Variants in ADARB2 observed in about 807,000 individuals in gnomAD.
ADARB2 encodes the protein inactive double-stranded RNA-specific editase B2.
Under a neutral mutation model 62.2 loss-of-function variants are expected in ADARB2, and 25 were observed. The observed-to-expected ratio is 0.40, with a 90% CI of 0.29 to 0.56. The LOEUF is 0.56. ADARB2 is among the 20% of genes least tolerant of loss of function. ADARB2 has a pLI of 0.43. For synonymous variants in ADARB2, 572 were observed against 500.8 expected, an observed-to-expected ratio of 1.14 and a Z score of -1.90; for missense variants, 1,071 against 1,077.4, an observed-to-expected ratio of 0.99 and a Z score of 0.08.
intron 1 of ADARB2, among the ~76,000 whole-genome samples, chr10:1,666,680 A>AT (rs999763994): frequency 5.3e-5 from 8 of 151,814 alleles, no homozygotes; most frequent in South Asian, 2.1e-4. Flanking sequence ...TTTTAGCTTC[A>AT]TTTTTTTTGA....
chr10:1,679,790 C>T (rs1456353042), intron 1 of ADARB2, among the ~76,000 whole-genome samples: 1 of 152,190 alleles, frequency 6.6e-6, no homozygotes, highest in Non-Finnish European at 1.5e-5. Context: ...ATCGCTTGGG[C>T]TCAACACGGA....
intron 1 of ADARB2, among the ~76,000 whole-genome samples, chr10:1,544,685 G>A (rs906394505): frequency 1.2e-4 from 19 of 152,036 alleles, no homozygotes; most frequent in Admixed American, 3.3e-4. Context: ...AATGCGATGT[G>A]TAATGTGTAC....
At chr10:1,218,073 T>C (rs1031186950) in intron 6 of ADARB2, among the ~76,000 whole-genome samples, 12 of 152,286 alleles carry the variant, frequency 7.9e-5, no homozygotes, top group African/African-American at 2.6e-4. Context: ...TTGTTTGAGA[T>C]GGAGTCTCGC....
At chr10:1,219,440 C>T (rs929565595) in intron 6 of ADARB2, among the ~76,000 whole-genome samples, 3 of 152,178 alleles carry the variant, frequency 2.0e-5, no homozygotes, top group Non-Finnish European at 4.4e-5. Flanking sequence ...GAAGAAAGAT[C>T]GCTGCATTCT....
chr10:1,544,112 G>T (rs1015509397), intron 1 of ADARB2, among the ~76,000 whole-genome samples: 1 of 151,990 alleles, frequency 6.6e-6, no homozygotes, highest in East Asian at 1.9e-4. Context: ...GAGTAGAGCC[G>T]TCCCAGGCAG....
At chr10:1,275,258 C>A (rs916667192) in intron 3 of ADARB2, among the ~76,000 whole-genome samples, 3 of 152,176 alleles carry the variant, frequency 2.0e-5, no homozygotes, top group African/African-American at 7.2e-5. Flanking sequence ...TGACAAGGGC[C>A]CCTGGCTGGT....
intron 1 of ADARB2, among the ~76,000 whole-genome samples, chr10:1,576,819 G>C (rs1021173627): frequency 5.3e-5 from 8 of 150,214 alleles, no homozygotes; most frequent in Admixed American, 5.3e-4. Context: ...GGATGAGGAG[G>C]GGCGTGTGGA....
intron 1 of ADARB2, among the ~76,000 whole-genome samples, chr10:1,717,832 C>T (rs1835041183): frequency 6.6e-6 from 1 of 152,124 alleles, no homozygotes. Flanking sequence ...CCTGCCTGGG[C>T]CTCCCAAAGT....
At chr10:1,233,624 C>G in intron 6 of ADARB2, 70 bp downstream of exon 6, 2 of 1,503,924 alleles carry the variant, frequency 1.3e-6, no homozygotes, top group South Asian at 2.7e-5. Context: ...TGTGAAAGCC[C>G]AGGACAGAGT....
intron 2 of ADARB2, among the ~76,000 whole-genome samples, chr10:1,365,705 G>C (rs1447603755): frequency 6.6e-6 from 1 of 152,194 alleles, no homozygotes; most frequent in Non-Finnish European, 1.5e-5. Context: ...AGCATTTTGG[G>C]AGCTTCGGGC....
At chr10:1,555,593 C>G (rs1197509176) in intron 1 of ADARB2, among the ~76,000 whole-genome samples, 1 of 152,086 alleles carries the variant, frequency 6.6e-6, no homozygotes, top group Non-Finnish European at 1.5e-5. Flanking sequence ...GAAACTGTGT[C>G]CCTGTGTCAG....
chr10:1,367,824 C>T (rs1286395097), intron 2 of ADARB2, among the ~76,000 whole-genome samples: 3 of 152,230 alleles, frequency 2.0e-5, no homozygotes, highest in Non-Finnish European at 4.4e-5. Context: ...CTCACAGCAA[C>T]GCTTTGCCGC....
chr10:1,615,817 C>A (rs947433125), intron 1 of ADARB2, among the ~76,000 whole-genome samples: 11 of 152,226 alleles, frequency 7.2e-5, no homozygotes, highest in African/African-American at 2.4e-4. Context: ...ATACCACAGT[C>A]CCTCCCTTCG....
chr10:1,344,633 C>G (rs987120613), intron 3 of ADARB2, among the ~76,000 whole-genome samples: 1 of 152,196 alleles, frequency 6.6e-6, no homozygotes, highest in African/African-American at 2.4e-5. Flanking sequence ...GGACCCCATG[C>G]CTTTCACAGA....
At chr10:1,545,872 G>A (rs1454492270) in intron 1 of ADARB2, among the ~76,000 whole-genome samples, 3 of 152,210 alleles carry the variant, frequency 2.0e-5, no homozygotes, top group South Asian at 2.1e-4. Context: ...AGGCTGCAGG[G>A]AGCACAGATT....
chr10:1,571,475 G>T (rs2131992731), intron 1 of ADARB2, among the ~76,000 whole-genome samples: 1 of 152,320 alleles, frequency 6.6e-6, no homozygotes, highest in Middle Eastern at 3.4e-3. Flanking sequence ...AATCACCACT[G>T]GGATTTGAAA....
At chr10:1,190,938 G>A (rs926540368) in intron 8 of ADARB2, among the ~76,000 whole-genome samples, 1 of 152,248 alleles carries the variant, frequency 6.6e-6, no homozygotes, top group African/African-American at 2.4e-5. Flanking sequence ...AGGACGGAGT[G>A]AGCAGCGCTC....
At chr10:1,314,534 C>T (rs1015983380) in intron 3 of ADARB2, among the ~76,000 whole-genome samples, 1 of 152,212 alleles carries the variant, frequency 6.6e-6, no homozygotes, top group East Asian at 1.9e-4. Context: ...CCCCACTGCC[C>T]GGCCTCCAGG....
In ADARB2 at chr10:1,183,205, T is replaced by C. The variant is rs745328565; in HGVS notation, c.2208A>G (p.Leu736=). 2.5e-6 allele frequency: 4 copies of C among 1,613,162 alleles called. No homozygotes were observed. The South Asian group carries it at 4.4e-5, about 18-fold the overall frequency. The change falls in exon 10 of 10, where the codon CTA becomes CTG. Residue 736 remains leucine (L), a synonymous_variant. Coordinates refer to ENST00000381312, the MANE Select transcript of ADARB2 (RefSeq NM_018702.4). Reference sequence around the variant, plus strand: ...AGGAGCCCGCAGCCTAGAGAGTCAGTAGAAACTGCTGCTGCTCCGGTGGTT... The same window carrying C: ...AGGAGCCCGCAGCCTAGAGAGTCAGCAGAAACTGCTGCTGCTCCGGTGGTT... ...VRKPPEQQQF[L]LTL is the part of the protein sequence containing the mutation.
Sources: allele counts gnomAD v4.1 joint callset (sites outside exome capture counted in the v4.1 genomes callset), GRCh38; gene constraint gnomAD v4.1.1; transcripts MANE v1.5; gene names NCBI Gene and HGNC (gene_info 2026-07-23, HGNC 2026-07-21).